Variants in CCDC152 observed in about 807,000 individuals in gnomAD.
The protein encoded by CCDC152 is coiled-coil domain containing 152.
CCDC152 carries 37 observed loss-of-function variants against 38.1 expected under a neutral mutation model. The observed-to-expected ratio is 0.97, with a 90% CI of 0.75 to 1.28. CCDC152 has a LOEUF of 1.28. Ranked by LOEUF, CCDC152 falls within the 50% of genes most tolerant of loss-of-function variation. CCDC152 has a pLI of 0.00. For synonymous variants in CCDC152, 83 were observed against 87.1 expected (o/e 0.95, Z 0.26); for missense variants, 259 against 292.1 (o/e 0.89, Z 0.83).
intron 1 of CCDC152, among the ~76,000 whole-genome samples, 165 bp downstream of exon 1, chr5:42,757,050 C>T (rs1173724261): frequency 1.3e-5 from 2 of 152,058 alleles, no homozygotes; most frequent in Non-Finnish European, 2.9e-5. Context: ...TTTGCTAGGC[C>T]GCTAAGGACG....
intron 6 of CCDC152, 90 bp downstream of exon 6, chr5:42,783,666 G>A (rs1579716786): frequency 2.0e-6 from 1 of 507,482 alleles, no homozygotes; most frequent in East Asian, 6.1e-5. Context: ...TAATGCTGGT[G>A]TTTGGGCTTC....
intron 4 of CCDC152, among the ~76,000 whole-genome samples, chr5:42,777,094 T>C (rs1561275592): frequency 6.6e-6 from 1 of 151,584 alleles, no homozygotes; most frequent in Non-Finnish European, 1.5e-5. Flanking sequence ...AAGAAATCAA[T>C]AGAGAGCAAT....
chr5:42,779,430 A>G lies in CCDC152; in HGVS notation c.263-28A>G, dbSNP rs929457659. The G allele has an allele frequency of 1.6e-5, 20 of 1,257,946 alleles. No homozygotes were observed. In the African/African-American group the frequency reaches 2.4e-4, roughly 15 times the overall value. 77.9% of individuals were successfully genotyped at this position (1,257,946 alleles called of 1,614,324 possible). A position where few individuals can be genotyped will look rare whatever the true frequency, so the allele number is the denominator to read the frequency against. ...TATTAATTGAAAAGTGCTATATATTATGATGTTCTTTGATTATTCTTACAC... is the reference window on the plus strand; with the variant it reads ...TATTAATTGAAAAGTGCTATATATTGTGATGTTCTTTGATTATTCTTACAC... On this transcript the variant is annotated intron_variant, in intron 4 of 8. Transcript: ENST00000361970.
At chr5:42,778,133 AG>A (rs2111561063) in intron 4 of CCDC152, among the ~76,000 whole-genome samples, 2 of 152,370 alleles carry the variant, frequency 1.3e-5, no homozygotes, top group African/African-American at 4.8e-5. Context: ...CCTGTTTACC[AG>A]GAATTAGTGA....
chr5:42,789,144 A>G (rs1759964909), intron 6 of CCDC152, among the ~76,000 whole-genome samples: 1 of 152,258 alleles, frequency 6.6e-6, no homozygotes, highest in Non-Finnish European at 1.5e-5. Context: ...GTAGTTTGGC[A>G]GTCAGCAGAT....
At chr5:42,790,517 G>GGTCCTCTGCGAAACAGATGCCAAGACA (rs1229914856) in intron 6 of CCDC152, among the ~76,000 whole-genome samples, 1 of 151,990 alleles carries the variant, frequency 6.6e-6, no homozygotes, top group Non-Finnish European at 1.5e-5. Context: ...AGTTAATTTG[G>GGTCCTCTGCGAAACAGATGCCAAGACA]GTCCTCTGCG....
Position 42,800,990 on chromosome 5 carries a change from A to G in CCDC152, c.*1209A>G, listed in dbSNP as rs28919924. ...ATCAGCTCCTAGGAGCCAACTCTGA[A>G]TCTGTGGGCAATTTACAGAGTAATT... On this transcript the variant is annotated 3_prime_UTR_variant, in exon 9 of 9. Transcript: ENST00000361970. 6.2e-7 allele frequency: 1 copy of G among 1,614,228 alleles called. No homozygotes were observed. The highest frequency in any genetic ancestry group is 1.7e-5 in the Admixed American group (1 of 60,026).
Position 42,799,472 on chromosome 5 carries a change from CCT to C in CCDC152, c.642+18_642+19del, listed in dbSNP as rs1324228186. The C allele has an allele frequency of 1.4e-6, 2 of 1,467,394 alleles. No individual in the cohort carries two copies. The highest frequency in any genetic ancestry group is 1.8e-6 in the Non-Finnish European group (2 of 1,083,614). The allele number at this position is 1,467,394 out of a possible 1,614,324, so 90.9% of individuals were successfully genotyped here. A position where few individuals can be genotyped will look rare whatever the true frequency, so the allele number is the denominator to read the frequency against. ...ATCTACAGAAGGGTATGTGAGTTTT[CCT>C]CTCAGTATTTGTTGCTTAAGAAAAC... On this transcript the variant is annotated intron_variant, in intron 8 of 8. Coordinates refer to ENST00000361970, the MANE Select transcript of CCDC152 (RefSeq NM_001134848.2).
chr5:42,760,810 C>G (rs1006814356), intron 2 of CCDC152, among the ~76,000 whole-genome samples: 11 of 152,114 alleles, frequency 7.2e-5, no homozygotes, highest in African/African-American at 2.7e-4. Context: ...CGAGTGATTC[C>G]TAACATAATA....
At position 42,796,963 on chromosome 5, in the gene CCDC152, G is replaced by A. The variant is rs1438791221; in HGVS notation, c.558+7G>A. 2.0e-6 allele frequency: 3 copies of A among 1,505,678 alleles called. No individual in the cohort carries two copies. The highest frequency in any genetic ancestry group is 1.8e-6 in the Non-Finnish European group (2 of 1,128,312). 93.3% of individuals were successfully genotyped at this position (1,505,678 alleles called of 1,614,324 possible). A position where few individuals can be genotyped will look rare whatever the true frequency, so the allele number is the denominator to read the frequency against. On this transcript the variant is annotated splice_region_variant and intron_variant, in intron 7 of 8. Coordinates refer to ENST00000361970, the MANE Select transcript of CCDC152 (RefSeq NM_001134848.2). ...AATCAAGCTACAACTAGAAGTAAGT[G>A]TTTAAGAGTCTGCTAAACTTGAGGA...
chr5:42,796,851 C>T lies in CCDC152; in HGVS notation c.453C>T (p.His151=), dbSNP rs1275245031. 1 of 1,482,614 alleles carries T rather than the reference C, an allele frequency of 6.7e-7. No individual in the cohort carries two copies. Among genetic ancestry groups the T allele is most frequent in the Non-Finnish European group, 8.9e-7 (1 of 1,119,184 alleles). The allele number at this position is 1,482,614 out of a possible 1,614,324, so 91.8% of individuals were successfully genotyped here. The change falls in exon 7 of 9, where the codon CAC becomes CAT. Residue 151 remains histidine, a synonymous_variant. Coordinates refer to ENST00000361970, the MANE Select transcript of CCDC152 (RefSeq NM_001134848.2). The stretch of plus-strand genomic sequence containing the variant: ...CAGTTGAATTAAATGAAGAAAAGCA[C>T]AAAGAACTAATAGAGAAAAAGGAGA... The part of the protein sequence containing the change: ...QRKVELNEEK[H]KELIEKKEME...
intron 4 of CCDC152, among the ~76,000 whole-genome samples, chr5:42,773,295 GAT>G (rs1205459013): frequency 6.6e-6 from 1 of 152,106 alleles, no homozygotes; most frequent in Non-Finnish European, 1.5e-5. Flanking sequence ...TTATGTAAAA[GAT>G]AATTCAATGA....
At chr5:42,770,163 A>C (rs944602343) in intron 4 of CCDC152, among the ~76,000 whole-genome samples, 47 of 152,200 alleles carry the variant, frequency 3.1e-4, no homozygotes, top group Non-Finnish European at 1.2e-4. Context: ...AAACAGACCA[A>C]GTATTTTGTG....
At chr5:42,764,048 C>CCTATAGTGGTATAGTACCATA (rs1561272076) in intron 3 of CCDC152, among the ~76,000 whole-genome samples, 6 of 152,152 alleles carry the variant, frequency 3.9e-5, no homozygotes, top group African/African-American at 1.2e-4. Flanking sequence ...CCACCACTTC[C>CCTATAGTGGTATAGTACCATA]CTATTACTAA....
In CCDC152 at chr5:42,799,476, T is replaced by C; in HGVS notation, c.642+18T>C. 6.9e-7 allele frequency: 1 copy of C among 1,444,334 alleles called. No individual in the cohort carries two copies. Among genetic ancestry groups the C allele is most frequent in the Non-Finnish European group, 9.4e-7 (1 of 1,065,840 alleles). 89.5% of individuals were successfully genotyped at this position (1,444,334 alleles called of 1,614,324 possible). A position where few individuals can be genotyped will look rare whatever the true frequency, so the allele number is the denominator to read the frequency against. On this transcript the variant is annotated intron_variant, in intron 8 of 8. Transcript: ENST00000361970. Reference sequence around the variant, plus strand: ...ACAGAAGGGTATGTGAGTTTTCCTCTCAGTATTTGTTGCTTAAGAAAACTT... The same window carrying C: ...ACAGAAGGGTATGTGAGTTTTCCTCCCAGTATTTGTTGCTTAAGAAAACTT...
At chr5:42,790,260 T>A (rs1378587570) in intron 6 of CCDC152, among the ~76,000 whole-genome samples, 1 of 152,152 alleles carries the variant, frequency 6.6e-6, no homozygotes, top group Non-Finnish European at 1.5e-5. Flanking sequence ...TTACCTGAGG[T>A]TGGGAGTTCG....
chr5:42,762,587 A>G (rs1723854738), intron 3 of CCDC152, 39 bp downstream of exon 3: 1 of 1,087,358 alleles, frequency 9.2e-7, no homozygotes, highest in Non-Finnish European at 1.4e-6. Flanking sequence ...AATTCTAATG[A>G]AAGTGTTTTT....
chr5:42,761,593 C>T (rs1759554513), intron 2 of CCDC152, among the ~76,000 whole-genome samples: 1 of 151,838 alleles, frequency 6.6e-6, no homozygotes, highest in Non-Finnish European at 1.5e-5. Context: ...CCAGCCTGGG[C>T]AACAGAGTCA....
intron 6 of CCDC152, 130 bp from the exon 7 acceptor site, chr5:42,796,699 C>T: frequency 1.6e-6 from 1 of 624,866 alleles, no homozygotes; most frequent in Non-Finnish European, 2.5e-6. Flanking sequence ...TATACCTACA[C>T]CATTTCTAAA....
Sources: allele counts gnomAD v4.1 joint callset (sites outside exome capture counted in the v4.1 genomes callset), GRCh38; gene constraint gnomAD v4.1.1; transcripts MANE v1.5; gene names NCBI Gene and HGNC (gene_info 2026-07-23, HGNC 2026-07-21).